DSC2: variants seen among roughly 807,000 people sequenced by gnomAD.
DSC2 encodes desmocollin 2, also known as desmocollin-2.
A neutral mutation model predicts 87.6 loss-of-function variants in DSC2; 51 were observed. The ratio of observed to expected loss-of-function variants is 0.58; its 90% confidence interval spans 0.46 to 0.74. The LOEUF (loss-of-function observed/expected upper bound fraction) is 0.74, where lower values mean the gene tolerates loss of function less well. Ranked by LOEUF, DSC2 falls within the 30% of genes least tolerant of loss-of-function variation. The pLI is 0.00. For synonymous variants in DSC2, 383 were observed against 393.2 expected, an observed-to-expected ratio of 0.97 and a Z score of 0.31; for missense variants, 1,066 against 1,089.5, an observed-to-expected ratio of 0.98 and a Z score of 0.30.
In DSC2 at chr18:31,079,826, G is replaced by A. The variant is rs200101399; in HGVS notation, c.1663+21C>T. 50 of 1,613,672 alleles carry A rather than the reference G, an allele frequency of 3.1e-5. No homozygotes were observed. The East Asian group carries it at 6.0e-4, about 19-fold the overall frequency. On this transcript the variant is annotated intron_variant, in intron 11 of 15. Transcript: ENST00000280904. Reference sequence around the variant, plus strand: ...TATGTAGCCAAGGAAGTATGTAGCTGGCTTAAAGACAAATTCTTACCTTGG... The same window carrying A: ...TATGTAGCCAAGGAAGTATGTAGCTAGCTTAAAGACAAATTCTTACCTTGG...
At chr18:31,068,847 T>G (rs763686542) in intron 15 of DSC2, 47 bp downstream of exon 15, 21 of 1,608,662 alleles carry the variant, frequency 1.3e-5, no homozygotes, top group South Asian at 2.2e-5. Context: ...ATTTATAAAG[T>G]TTAAAGAAAA....
At chr18:31,080,839 CT>C (rs1014181857) in intron 9 of DSC2, among the ~76,000 whole-genome samples, 1 of 152,022 alleles carries the variant, frequency 6.6e-6, no homozygotes, top group African/African-American at 2.4e-5. Context: ...TCAGGTAGTT[CT>C]TTATAACAAT....
intron 5 of DSC2, 83 bp downstream of exon 5, chr18:31,089,355 GA>G: frequency 6.5e-7 from 1 of 1,533,876 alleles, no homozygotes. Context: ...TCAGAAAGCA[GA>G]AAAGGTTACG....
intron 12 of DSC2, among the ~76,000 whole-genome samples, chr18:31,074,432 T>TGTGTGC (rs1434895991): frequency 6.7e-4 from 18 of 26,710 alleles, no homozygotes; most frequent in Non-Finnish European, 1.1e-3. Context: ...TGTGTGTGTG[T>TGTGTGC]GTGTGTGTGT....
rs138078351 is a variant in DSC2 at position 31,081,486 on chromosome 18, T to A, written c.1263+752A>T. Among the ~76,000 whole-genome samples the A allele has an allele frequency of 1.8e-4, 27 of 152,240 alleles. No individual in the cohort carries two copies. The East Asian group carries it at 5.2e-3, about 29-fold the overall frequency. ...GAAAGAGACAAGATTTAAAGGAAAT[T>A]TCTCTGCTATTTTAAAATAGAGAAA... On this transcript the variant is annotated intron_variant, in intron 9 of 15. Transcript: ENST00000280904.
At chr18:31,101,416 G>A in intron 1 of DSC2, among the ~76,000 whole-genome samples, 1 of 142,418 alleles carries the variant, frequency 7.0e-6, no homozygotes, top group Non-Finnish European at 1.5e-5. Context: ...AGGCGCTGAG[G>A]CACAGGGAGC....
intron 11 of DSC2, among the ~76,000 whole-genome samples, chr18:31,077,155 C>T (rs1024031886): frequency 1.2e-4 from 19 of 152,282 alleles, no homozygotes; most frequent in Admixed American, 1.1e-3. Context: ...ACGCAACTAC[C>T]TTCCATTTTT....
At chr18:31,085,448 GTAAT>G (rs1987365186) in intron 7 of DSC2, among the ~76,000 whole-genome samples, 1 of 151,244 alleles carries the variant, frequency 6.6e-6, no homozygotes, top group African/African-American at 2.4e-5. Flanking sequence ...CTGTTAACAT[GTAAT>G]TAATTTATTA....
chr18:31,089,328 G>T, intron 5 of DSC2, 111 bp downstream of exon 5: 1 of 1,223,864 alleles, frequency 8.2e-7, no homozygotes. Context: ...GGAGTAGCCA[G>T]AGCATTGGTG....
At chr18:31,098,141 A>C (rs996986600) in intron 1 of DSC2, among the ~76,000 whole-genome samples, 1 of 152,148 alleles carries the variant, frequency 6.6e-6, no homozygotes, top group Non-Finnish European at 1.5e-5. Flanking sequence ...AGAAGTATGT[A>C]TATATGTACT....
chr18:31,082,355 G>C lies in DSC2; in HGVS notation c.1146C>G (p.Asp382Glu). The C allele has an allele frequency of 6.2e-7, 1 of 1,613,864 alleles. No individual in the cohort carries two copies. Among genetic ancestry groups the C allele is most frequent in the Non-Finnish European group, 8.5e-7 (1 of 1,179,950 alleles). ...EILRVTVEDK[D>E]LVNTANWRAN... ...CTCTCCAGTTAGCAGTATTCACTAA[G>C]TCCTTATCCTCAACAGTAACTCGTA... is the stretch of plus-strand genomic sequence containing the variant. Residue 382 changes from aspartate (D) to glutamate (E), a missense_variant, in exon 9 of 16, where the codon GAC (aspartate) becomes GAG (glutamate). Transcript: ENST00000280904.
chr18:31,097,241 T>C (rs1406396504), intron 1 of DSC2, among the ~76,000 whole-genome samples: 1 of 146,544 alleles, frequency 6.8e-6, no homozygotes, highest in Non-Finnish European at 1.5e-5. Flanking sequence ...TGAGCAGAGA[T>C]CACGCCACTG....
At chr18:31,086,860 T>G in intron 6 of DSC2, 118 bp from the exon 7 acceptor site, 1 of 1,102,466 alleles carries the variant, frequency 9.1e-7, no homozygotes, top group Non-Finnish European at 1.3e-6. Flanking sequence ...CATGGCAAAG[T>G]CATGGCTTTT....
At chr18:31,083,112 T>G in intron 7 of DSC2, 52 bp from the exon 8 acceptor site, 2 of 1,583,446 alleles carry the variant, frequency 1.3e-6, no homozygotes, top group Non-Finnish European at 8.6e-7. Context: ...AACATTATAA[T>G]TGAAATCTTA....
intron 12 of DSC2, among the ~76,000 whole-genome samples, chr18:31,073,729 G>A (rs1419444672): frequency 1.3e-5 from 2 of 152,176 alleles, no homozygotes; most frequent in Non-Finnish European, 2.9e-5. Context: ...GGAACATGCT[G>A]AAGAGTTACG....
At chr18:31,079,192 C>T (rs1268892514) in intron 11 of DSC2, among the ~76,000 whole-genome samples, 4 of 152,108 alleles carry the variant, frequency 2.6e-5, no homozygotes, top group Non-Finnish European at 4.4e-5. Context: ...ACAAAGTGAA[C>T]ACTTTAAGCG....
At chr18:31,101,820 C>G in intron 1 of DSC2, 83 bp downstream of exon 1, 1 of 1,409,790 alleles carries the variant, frequency 7.1e-7, no homozygotes, top group South Asian at 1.3e-5. Flanking sequence ...CCGCCACCCC[C>G]ACCTATCCCC....
intron 13 of DSC2, 41 bp from the exon 14 acceptor site, chr18:31,070,891 A>T (rs1161374397): frequency 3.1e-6 from 5 of 1,605,610 alleles, no homozygotes; most frequent in African/African-American, 1.3e-5. Flanking sequence ...ATCATAAAAT[A>T]ATATGAAGTT....
At chr18:31,082,686 T>G (rs1358980609) in intron 8 of DSC2, among the ~76,000 whole-genome samples, 1 of 152,048 alleles carries the variant, frequency 6.6e-6, no homozygotes, top group African/African-American at 2.4e-5. Context: ...GCTTCCCGAG[T>G]AGATGGGATT....
Sources: gnomAD v4.1 joint callset for allele counts (sites outside exome capture counted in the v4.1 genomes callset) on GRCh38, gnomAD v4.1.1 for gene constraint, MANE v1.5 for transcripts, NCBI Gene and HGNC (gene_info 2026-07-23, HGNC 2026-07-21) for gene names.